Variants in ACOT7 observed in about 807,000 individuals in gnomAD.
ACOT7 encodes the protein acyl-CoA thioesterase 7.
In ACOT7, 12 loss-of-function variants were observed where a neutral mutation model predicts 40.2. The ratio of observed to expected loss-of-function variants is 0.30; its 90% confidence interval spans 0.19 to 0.48. The LOEUF (loss-of-function observed/expected upper bound fraction) is 0.48, where lower values mean the gene tolerates loss of function less well. Ranked by LOEUF, ACOT7 falls within the 20% of genes least tolerant of loss-of-function variation. The pLI is 0.99. For synonymous variants in ACOT7, 228 were observed against 219.5 expected, an observed-to-expected ratio of 1.04 and a Z score of -0.34; for missense variants, 395 against 530.8, an observed-to-expected ratio of 0.74 and a Z score of 2.51.
intron 7 of ACOT7, among the ~76,000 whole-genome samples, chr1:6,281,698 C>T (rs1639364497): frequency 6.6e-6 from 1 of 152,220 alleles, no homozygotes; most frequent in African/African-American, 2.4e-5. Flanking sequence ...CTGCAAACTG[C>T]ACTGTCCATT....
intron 6 of ACOT7, among the ~76,000 whole-genome samples, chr1:6,317,672 C>T (rs1346806464): frequency 6.6e-6 from 1 of 151,984 alleles, no homozygotes; most frequent in East Asian, 1.9e-4. Flanking sequence ...TCCCCAGGGA[C>T]GCAGTCATCC....
Position 6,281,383 on chromosome 1 carries a change from AG to A in ACOT7, c.830-98del, listed in dbSNP as rs1328737060. ...GTGGTCAGCAGGCAGACACTTGGTT[AG>A]GGGAAGCAGTGGCTTGGCTGACTAC... On this transcript the variant is annotated intron_variant, in intron 7 of 8. Coordinates refer to ENST00000361521, the MANE Select transcript of ACOT7 (RefSeq NM_007274.4). 20 of 1,082,652 alleles carry A rather than the reference AG, an allele frequency of 1.8e-5. No individual in the cohort carries two copies. The East Asian group carries it at 3.6e-4, about 19-fold the overall frequency. The allele number at this position is 1,082,652 out of a possible 1,614,324, so 67.1% of individuals were successfully genotyped here. A position where few individuals can be genotyped will look rare whatever the true frequency, so the allele number is the denominator to read the frequency against.
At chr1:6,328,872 T>C (rs61763899) in intron 4 of ACOT7, among the ~76,000 whole-genome samples, 2,027 of 152,288 alleles carry the variant, frequency 0.013, 20 homozygotes, top group Non-Finnish European at 0.021. Context: ...TCGGGGCCTG[T>C]GTGCTGGCCG....
intron 6 of ACOT7, among the ~76,000 whole-genome samples, chr1:6,316,484 G>A (rs1289353720): frequency 6.6e-6 from 1 of 152,138 alleles, no homozygotes; most frequent in African/African-American, 2.4e-5. Flanking sequence ...CATGAAGTAG[G>A]AAAAAGAAAA....
chr1:6,367,478 G>A (rs896917099), intron 1 of ACOT7, among the ~76,000 whole-genome samples: 4 of 152,220 alleles, frequency 2.6e-5, no homozygotes, highest in African/African-American at 7.2e-5. Flanking sequence ...CGAGCAGTGT[G>A]TGAGTGAGCA....
In ACOT7 at chr1:6,275,289, C is replaced by T. The variant is rs1639156315; in HGVS notation, c.1014+5813G>A. ...GAGAATGGCCCCCGGCCTGGTAGGG[C>T]TCCCTCAACCTGAAGGAGCCCAAGG... On this transcript the variant is annotated intron_variant, in intron 8 of 8. Coordinates refer to ENST00000361521, the MANE Select transcript of ACOT7 (RefSeq NM_007274.4). The surrounding 1 kb of genome is among the most constrained non-coding windows in gnomAD (Gnocchi z 5.6). 6.6e-6 allele frequency among the ~76,000 whole-genome samples: 1 copy of T among 152,230 alleles called. No homozygotes were observed. Among genetic ancestry groups the T allele is most frequent in the Admixed American group, 6.5e-5 (1 of 15,284 alleles).
At chr1:6,356,053 C>T (rs1571338216) in intron 1 of ACOT7, among the ~76,000 whole-genome samples, 1 of 152,296 alleles carries the variant, frequency 6.6e-6, no homozygotes, top group Non-Finnish European at 1.5e-5. Flanking sequence ...ATGAATGTCA[C>T]CTTACTTGAA....
intron 7 of ACOT7, among the ~76,000 whole-genome samples, chr1:6,283,618 T>G (rs532651355): frequency 1.8e-4 from 27 of 152,274 alleles, no homozygotes; most frequent in African/African-American, 6.3e-4. Context: ...ACTAAGTAGG[T>G]TGATTATAAA....
At chr1:6,277,505 T>C (rs569422681) in intron 8 of ACOT7, among the ~76,000 whole-genome samples, 1 of 152,272 alleles carries the variant, frequency 6.6e-6, no homozygotes, top group East Asian at 1.9e-4. Context: ...GTGAGCCCCA[T>C]AGACTCCCAC....
At position 6,301,561 on chromosome 1, in the gene ACOT7, C is replaced by T. The variant is rs1253051940; in HGVS notation, c.713-6581G>A. Among the ~76,000 whole-genome samples the T allele has an allele frequency of 1.3e-5, 2 of 152,186 alleles. No homozygotes were observed. Among genetic ancestry groups the T allele is most frequent in the Non-Finnish European group, 2.9e-5 (2 of 68,030 alleles). ...CTGGGTGAGGACCTGCCTCGTTGTC[C>T]CTGTGTCCCTGACCCAACACAGAGC... is the stretch of plus-strand genomic sequence containing the variant. On this transcript the variant is annotated intron_variant, in intron 6 of 8. Transcript: ENST00000361521. This position sits in a 1 kb window ranked among gnomAD's most constrained non-coding sequence, Gnocchi z 4.1.
At chr1:6,361,819 T>C (rs986725200) in intron 1 of ACOT7, among the ~76,000 whole-genome samples, 4 of 151,932 alleles carry the variant, frequency 2.6e-5, no homozygotes, top group Non-Finnish European at 4.4e-5. Context: ...AATAAATAAA[T>C]AAACTACTAA....
At chr1:6,380,023 G>A (rs145974649) in intron 1 of ACOT7, among the ~76,000 whole-genome samples, 2,673 of 151,890 alleles carry the variant, frequency 0.018, 93 homozygotes, top group African/African-American at 0.061. Flanking sequence ...CTGAGATCAT[G>A]CCACTGCACT....
At chr1:6,369,500 G>GGGTTCAAGC (rs1296161651) in intron 1 of ACOT7, among the ~76,000 whole-genome samples, 46 of 142,022 alleles carry the variant, frequency 3.2e-4, no homozygotes, top group African/African-American at 1.2e-3. Context: ...TCCACCTCCT[G>GGGTTCAAGC]GGTTCAAGCA....
rs962032729 is a variant in ACOT7 at position 6,383,189 on chromosome 1, A to AT, written c.143+10067dup. Among the ~76,000 whole-genome samples the AT allele has an allele frequency of 6.6e-3, 900 of 135,766 alleles. 6 individuals carry two copies. Among genetic ancestry groups the AT allele is most frequent in the African/African-American group, 0.014 (512 of 36,780 alleles). The allele number at this position is 135,766 out of a possible 152,430, so 89.1% of individuals were successfully genotyped here. ...CCACCATGCCCGGCTAAGATGGCAGATTTTTTTTTTTTTTTTGAGACGGAG... is the reference window on the plus strand; with the variant it reads ...CCACCATGCCCGGCTAAGATGGCAGATTTTTTTTTTTTTTTTTGAGACGGAG... On this transcript the variant is annotated intron_variant, in intron 1 of 8. Transcript: ENST00000361521.
intron 1 of ACOT7, among the ~76,000 whole-genome samples, chr1:6,391,227 G>A (rs909035820): frequency 2.0e-5 from 3 of 149,244 alleles, no homozygotes; most frequent in African/African-American, 5.0e-5. Context: ...AGCTGGGTGC[G>A]GTGGTTCACA....
chr1:6,280,925 G>A (rs1039756299), intron 8 of ACOT7, among the ~76,000 whole-genome samples, 177 bp downstream of exon 8: 1 of 152,108 alleles, frequency 6.6e-6, no homozygotes, highest in South Asian at 2.1e-4. Flanking sequence ...AGGCCTCACC[G>A]GATCAGCCCC....
rs1280497534 is a variant in ACOT7, at chr1:6,273,881, G to A, written c.1014+7221C>T. Among the ~76,000 whole-genome samples, 4 of 152,220 alleles carry A rather than the reference G, an allele frequency of 2.6e-5. No individual in the cohort carries two copies. In the East Asian group the frequency reaches 5.8e-4, roughly 22 times the overall value. On this transcript the variant is annotated intron_variant, in intron 8 of 8. Coordinates refer to ENST00000361521, the MANE Select transcript of ACOT7 (RefSeq NM_007274.4). Reference sequence around the variant, plus strand: ...CCTGCCAGCAGGAGCCTGTGGCAACGGGGTGTCTAGGATGTCGAGGCAGCA... The same window carrying A: ...CCTGCCAGCAGGAGCCTGTGGCAACAGGGTGTCTAGGATGTCGAGGCAGCA...
In ACOT7 at chr1:6,274,853, G is replaced by T. The variant is rs2148370472; in HGVS notation, c.1014+6249C>A. On this transcript the variant is annotated intron_variant, in intron 8 of 8. Transcript: ENST00000361521. The surrounding 1 kb of genome is among the most constrained non-coding windows in gnomAD (Gnocchi z 5.9). ...GCAGTGCAGGTGGGCAGCGCGTTGG[G>T]ACTCCCAGGGTTTAGGTTCTTGCAC... 6.6e-6 allele frequency among the ~76,000 whole-genome samples: 1 copy of T among 152,150 alleles called. No homozygotes were observed. The highest frequency in any genetic ancestry group is 1.9e-4 in the East Asian group (1 of 5,190).
chr1:6,318,779 A>T (rs1640563409), intron 5 of ACOT7, among the ~76,000 whole-genome samples: 1 of 152,074 alleles, frequency 6.6e-6, no homozygotes, highest in Non-Finnish European at 1.5e-5. Context: ...AGGATTCATG[A>T]CCCATTCTGT....
Sources: gnomAD v4.1 joint callset for allele counts (sites outside exome capture counted in the v4.1 genomes callset) on GRCh38, gnomAD v4.1.1 for gene constraint, Gnocchi (gnomAD v3.1) non-coding constraint, MANE v1.5 for transcripts, NCBI Gene and HGNC (gene_info 2026-07-23, HGNC 2026-07-21) for gene names.